TNRC18: variants seen among roughly 807,000 people sequenced by gnomAD.
TNRC18 encodes the protein trinucleotide repeat containing 18, also known as trinucleotide repeat-containing gene 18 protein.
In TNRC18, 69 loss-of-function variants were observed where a neutral mutation model predicts 226.7. The observed-to-expected ratio is 0.30, with a 90% confidence interval of 0.25 to 0.37. The LOEUF (loss-of-function observed/expected upper bound fraction) is 0.37, where lower values mean the gene tolerates loss of function less well. Ranked by LOEUF, TNRC18 falls within the 10% of genes least tolerant of loss-of-function variation. The pLI is 1.00. For missense variants in TNRC18, 4,754 were observed against 4,256.6 expected (o/e 1.12, Z -3.25); for synonymous variants, 2,449 against 1,927.6 (o/e 1.27, Z -7.09).
chr7:5,309,601 C>A lies in TNRC18; in HGVS notation c.8389-233G>T, dbSNP rs1786979113. Among the ~76,000 whole-genome samples, 3 of 152,256 alleles carry A rather than the reference C, an allele frequency of 2.0e-5. No homozygotes were observed. The highest frequency in any genetic ancestry group is 7.2e-5 in the African/African-American group (3 of 41,468). The stretch of plus-strand genomic sequence containing the variant: ...TTCCCTTGATCTAAGCATTCTGCCG[C>A]TACAAGACTTCTTATTTTTGAGACA... On this transcript the variant is annotated intron_variant, in intron 27 of 29. Coordinates refer to ENST00000430969, the MANE Select transcript of TNRC18 (RefSeq NM_001080495.3). This position sits in a 1 kb window ranked among gnomAD's most constrained non-coding sequence, Gnocchi z 5.7.
chr7:5,308,245 A>G lies in TNRC18; in HGVS notation c.8768T>C (p.Val2923Ala). 1 of 1,612,910 alleles carries G rather than the reference A, an allele frequency of 6.2e-7. No homozygotes were observed. The highest frequency in any genetic ancestry group is 8.5e-7 in the Non-Finnish European group (1 of 1,179,556). Residue 2923 changes from valine (V) to alanine (A), a missense_variant, in exon 30 of 30, where the codon GTG becomes GCG. Coordinates refer to ENST00000430969, the MANE Select transcript of TNRC18 (RefSeq NM_001080495.3). ...CTGCTCATACTGCTCCAGGCCCACC[A>G]CCAGGCACTTGTGCGACACCGTCTG... is the stretch of plus-strand genomic sequence containing the variant. ...DVQTVSHKCL[V>A]VGLEQYEQML...
At chr7:5,326,097 T>C (rs1201262935) in intron 19 of TNRC18, among the ~76,000 whole-genome samples, 2 of 152,062 alleles carry the variant, frequency 1.3e-5, no homozygotes, top group East Asian at 3.9e-4. Flanking sequence ...GAAGTGTATA[T>C]ATGTTGCAAG....
chr7:5,356,906 C>G lies in TNRC18; in HGVS notation c.5194+10G>C, dbSNP rs1167456381. The G allele has an allele frequency of 2.0e-6, 3 of 1,529,242 alleles. No individual in the cohort carries two copies. The highest frequency in any genetic ancestry group is 2.5e-5 in the East Asian group (1 of 40,728). The allele number at this position is 1,529,242 out of a possible 1,614,324, so 94.7% of individuals were successfully genotyped here. ...AGCGGACCAGAGGTGGCGCGGCATACGCTACTTACTGTAAGAGTAGCTGCT... is the reference window on the plus strand; with the variant it reads ...AGCGGACCAGAGGTGGCGCGGCATAGGCTACTTACTGTAAGAGTAGCTGCT... On this transcript the variant is annotated intron_variant, in intron 16 of 29. Transcript: ENST00000430969.
chr7:5,340,063 C>T (rs1028249127), intron 18 of TNRC18, among the ~76,000 whole-genome samples: 1 of 152,152 alleles, frequency 6.6e-6, no homozygotes, highest in African/African-American at 2.4e-5. Flanking sequence ...TCACATGTCT[C>T]TCACTTTAAA....
intron 14 of TNRC18, 85 bp from the exon 15 acceptor site, chr7:5,359,654 G>T: frequency 6.5e-7 from 1 of 1,546,382 alleles, no homozygotes; most frequent in Non-Finnish European, 8.9e-7. Context: ...CTGAAGGGTT[G>T]GGCTCTGGAC....
chr7:5,345,525 C>CCCCCCCCCCCCCCCCCCCCCCCCCCCCAA (rs2128139371), intron 18 of TNRC18, 37 bp downstream of exon 18: 2 of 217,344 alleles, frequency 9.2e-6, no homozygotes, highest in Middle Eastern at 1.8e-3. Flanking sequence ...CCGCCCCTCC[C>CCCCCCCCCCCCCCCCCCCCCCCCCCCCAA]ACCCACCCCC....
chr7:5,397,033 A>C (rs1780738317), intron 2 of TNRC18, among the ~76,000 whole-genome samples: 3 of 152,182 alleles, frequency 2.0e-5, no homozygotes, highest in Admixed American at 2.0e-4. Flanking sequence ...TGGGCAGAGC[A>C]GCAAGGGGTG....
chr7:5,388,942 G>T lies in TNRC18; in HGVS notation c.882C>A (p.Pro294=). 7.2e-7 allele frequency: 1 copy of T among 1,386,586 alleles called. No individual in the cohort carries two copies. The allele number at this position is 1,386,586 out of a possible 1,614,324, so 85.9% of individuals were successfully genotyped here. ...CGCGCCCCGCTTCGGCCACCAGCGC[G>T]GGCAGCCCCACGTCCCCGGCGCCGC... The part of the protein sequence containing the change: ...CNGGAGDVGL[P]ALVAEAGRGG... The change falls in exon 5 of 30, where the codon CCC becomes CCA. Residue 294 remains proline, a synonymous_variant. Transcript: ENST00000430969.
Position 5,359,548 on chromosome 7 carries a change from C to A in TNRC18, c.4683G>T (p.Leu1561=). The A allele has an allele frequency of 4.3e-6, 7 of 1,613,990 alleles. No individual in the cohort carries two copies. Among genetic ancestry groups the A allele is most frequent in the Non-Finnish European group, 5.9e-6 (7 of 1,179,892 alleles). ...SSGKLSSKSL[L]TSDDYELGAG... is the part of the protein sequence containing the mutation. ...CTCCCAGCTCATAATCATCTGATGT[C>A]AGCAGAGACTTGCTGCTCAGCCTGA... Residue 1561 remains leucine (L), a synonymous_variant, in exon 15 of 30, where the codon CTG becomes CTT. Transcript: ENST00000430969.
At chr7:5,322,207 G>C (rs889140635) in intron 21 of TNRC18, among the ~76,000 whole-genome samples, 2 of 152,028 alleles carry the variant, frequency 1.3e-5, no homozygotes, top group Non-Finnish European at 1.5e-5. Flanking sequence ...GAACCTGGGA[G>C]GCAGAGGCTG....
rs962702889 is a variant in TNRC18, at chr7:5,333,933, G to A, written c.5720-884C>T. Among the ~76,000 whole-genome samples, 7 of 152,196 alleles carry A rather than the reference G, an allele frequency of 4.6e-5. No homozygotes were observed. The South Asian group carries it at 1.0e-3, about 22-fold the overall frequency. On this transcript the variant is annotated intron_variant, in intron 18 of 29. Transcript: ENST00000430969. ...TGCCCTGACCCTGGGAAGCAGATCC[G>A]AGTTCTCTGGGATCTCCAGCTCAAG... is the stretch of plus-strand genomic sequence containing the variant.
intron 17 of TNRC18, among the ~76,000 whole-genome samples, chr7:5,348,941 T>C (rs1482976102): frequency 6.8e-6 from 1 of 147,154 alleles, no homozygotes; most frequent in African/African-American, 2.5e-5. Context: ...GTGGGCCAAT[T>C]TGAGCAGGGT....
intron 18 of TNRC18, among the ~76,000 whole-genome samples, chr7:5,339,318 C>T (rs1347643003): frequency 6.6e-6 from 1 of 151,016 alleles, no homozygotes; most frequent in Non-Finnish European, 1.5e-5. Context: ...CAGCTCACTG[C>T]AATCTCCGCC....
intron 5 of TNRC18, among the ~76,000 whole-genome samples, chr7:5,379,534 C>CT (rs11411539): frequency 0.22 from 33,194 of 152,066 alleles, 6,498 homozygotes; most frequent in African/African-American, 0.52. Context: ...ATAGCCAGCC[C>CT]CTGAGTCCCA....
At position 5,313,780 on chromosome 7, in the gene TNRC18, C is replaced by G. The variant is rs760544399; in HGVS notation, c.7111G>C (p.Gly2371Arg). 3.2e-5 allele frequency: 49 copies of G among 1,541,656 alleles called. No homozygotes were observed. The highest frequency in any genetic ancestry group is 4.1e-5 in the African/African-American group (3 of 72,456). The change falls in exon 27 of 30, where the codon GGT becomes CGT. Residue 2371 changes from glycine to arginine, a missense_variant. Transcript: ENST00000430969. ...GGCTCTGGGGGGCTCTTCTTGGAACCTGGGGTGCTGCTCGGCTCCAGGGCT... is the reference window on the plus strand; with the variant it reads ...GGCTCTGGGGGGCTCTTCTTGGAACGTGGGGTGCTGCTCGGCTCCAGGGCT... The part of the protein sequence containing the change: ...PLALEPSSTP[G>R]SKKSPPEPVD...
In TNRC18 at chr7:5,420,750, C is replaced by T. The variant is rs567961285; in HGVS notation, c.187+310G>A. The T allele has an allele frequency of 3.8e-4, 237 of 615,612 alleles. 1 individual carries two copies. The highest frequency in any genetic ancestry group is 3.8e-3 in the African/African-American group (207 of 55,102). 38.1% of individuals were successfully genotyped at this position (615,612 alleles called of 1,614,324 possible). On this transcript the variant is annotated intron_variant, in intron 2 of 29. Coordinates refer to ENST00000430969, the MANE Select transcript of TNRC18 (RefSeq NM_001080495.3). ...TCTTTTCTCGCCCAGATTTTGAAAACTCCAGCCCAGGCTCGTGCCGCCGGG... is the reference window on the plus strand; with the variant it reads ...TCTTTTCTCGCCCAGATTTTGAAAATTCCAGCCCAGGCTCGTGCCGCCGGG...
chr7:5,390,511 G>C lies in TNRC18; in HGVS notation c.461C>G (p.Thr154Ser). 1 of 1,613,690 alleles carries C rather than the reference G, an allele frequency of 6.2e-7. No homozygotes were observed. Among genetic ancestry groups the C allele is most frequent in the Non-Finnish European group, 8.5e-7 (1 of 1,179,818 alleles). Residue 154 changes from threonine (T) to serine (S), a missense_variant, in exon 4 of 30, where the codon ACC becomes AGC. Coordinates refer to ENST00000430969, the MANE Select transcript of TNRC18 (RefSeq NM_001080495.3). ...SQLGQPSIFD[T>S]QKGQGPGGDG... ...TCCTCCTGGCCCCTGACCTTTCTGG[G>C]TATCGAAAATGCTGGGCTGACCCAG...
intron 19 of TNRC18, chr7:5,325,616 G>C: frequency 4.4e-6 from 1 of 226,860 alleles, no homozygotes; most frequent in Non-Finnish European, 8.7e-6. Context: ...AGTAGAGACG[G>C]GGTTTTACCG....
chr7:5,336,719 G>A (rs1659146340), intron 18 of TNRC18, among the ~76,000 whole-genome samples: 1 of 152,182 alleles, frequency 6.6e-6, no homozygotes. Flanking sequence ...TCCAGCCTGG[G>A]TGACAGAGCA....
Sources: allele counts gnomAD v4.1 joint callset (sites outside exome capture counted in the v4.1 genomes callset), GRCh38; gene constraint gnomAD v4.1.1; non-coding constraint Gnocchi (gnomAD v3.1); transcripts MANE v1.5; gene names NCBI Gene and HGNC (gene_info 2026-07-23, HGNC 2026-07-21).